Variants in MCTP1 observed in about 807,000 individuals in gnomAD.
MCTP1 encodes the protein multiple C2 and transmembrane domain-containing protein 1.
A neutral mutation model predicts 120.6 loss-of-function variants in MCTP1; 69 were observed. The observed-to-expected ratio is 0.57, with a 90% CI of 0.47 to 0.70. MCTP1 has a LOEUF of 0.70. Among genes scored for constraint, MCTP1 ranks in the 30% least tolerant of loss-of-function variants. MCTP1 has a pLI of 0.00. For synonymous variants in MCTP1, 529 were observed against 493.1 expected (o/e 1.07, Z -0.96); for missense variants, 1,203 against 1,248.8 (o/e 0.96, Z 0.55).
chr5:94,802,121 C>G (rs1471034650), intron 17 of MCTP1, among the ~76,000 whole-genome samples: 3 of 152,034 alleles, frequency 2.0e-5, no homozygotes, highest in Admixed American at 2.0e-4. Flanking sequence ...ATAGAAAAAC[C>G]ATCTCCTTTT....
chr5:95,159,491 A>G (rs1289110454), intron 1 of MCTP1, among the ~76,000 whole-genome samples: 2 of 152,208 alleles, frequency 1.3e-5, no homozygotes, highest in Non-Finnish European at 2.9e-5. Flanking sequence ...TTCAAAAATC[A>G]TTTGTGAAGT....
intron 1 of MCTP1, among the ~76,000 whole-genome samples, chr5:95,058,040 C>T (rs550323416): frequency 6.6e-6 from 1 of 152,332 alleles, no homozygotes; most frequent in Non-Finnish European, 1.5e-5. Context: ...CCTAACCAGG[C>T]TTCTCAAGAT....
chr5:95,271,716 T>C (rs1488823609), intron 1 of MCTP1, among the ~76,000 whole-genome samples: 1 of 151,906 alleles, frequency 6.6e-6, no homozygotes, highest in Non-Finnish European at 1.5e-5. Context: ...GCATTCCTTA[T>C]ATATTATAGA....
At chr5:95,245,354 G>A (rs1756638094) in intron 1 of MCTP1, among the ~76,000 whole-genome samples, 1 of 152,226 alleles carries the variant, frequency 6.6e-6, no homozygotes, top group African/African-American at 2.4e-5. Context: ...GTAGGCTTCA[G>A]AAGGTCCATA....
Position 94,861,976 on chromosome 5 carries a change from T to G in MCTP1, c.2436+6357A>C, listed in dbSNP as rs187319143. 8.6e-4 allele frequency among the ~76,000 whole-genome samples: 131 copies of G among 151,932 alleles called. 1 individual carries two copies. The highest frequency in any genetic ancestry group is 3.1e-3 in the African/African-American group (127 of 41,516). ...TGGTGTCCTCCACCACGCCAACTTTTATTGATAGCACCATTGAGGCACATG... is the reference window on the plus strand; with the variant it reads ...TGGTGTCCTCCACCACGCCAACTTTGATTGATAGCACCATTGAGGCACATG... On this transcript the variant is annotated intron_variant, in intron 17 of 22. Transcript: ENST00000515393.
At chr5:94,826,566 T>G (rs1410333764) in intron 17 of MCTP1, 1 of 734,846 alleles carries the variant, frequency 1.4e-6, no homozygotes, top group African/African-American at 1.7e-5. Flanking sequence ...CTCCTTCCCT[T>G]TCAAAGCATC....
At chr5:95,000,738 C>T (rs530661503) in intron 2 of MCTP1, among the ~76,000 whole-genome samples, 3 of 151,976 alleles carry the variant, frequency 2.0e-5, no homozygotes, top group Non-Finnish European at 4.4e-5. Flanking sequence ...TTACAATGAG[C>T]AAAGATTTAT....
intron 1 of MCTP1, among the ~76,000 whole-genome samples, chr5:95,263,443 TGGCACCCATCCA>T (rs1161914039): frequency 6.6e-6 from 1 of 152,160 alleles, no homozygotes; most frequent in Non-Finnish European, 1.5e-5. Flanking sequence ...CTAAGTCCTG[TGGCACCCATCCA>T]GGCCCAGGTT....
chr5:95,233,092 A>C (rs1755143519), intron 1 of MCTP1, among the ~76,000 whole-genome samples: 1 of 152,206 alleles, frequency 6.6e-6, no homozygotes, highest in Admixed American at 6.5e-5. Flanking sequence ...GAAGGCTTGA[A>C]CAACACAACC....
intron 1 of MCTP1, among the ~76,000 whole-genome samples, chr5:95,177,766 G>A (rs1211079700): frequency 1.3e-5 from 2 of 152,108 alleles, no homozygotes; most frequent in African/African-American, 2.4e-5. Context: ...AACCAAAATT[G>A]GAATTTTGCT....
chr5:94,807,807 T>G (rs750472317), intron 17 of MCTP1, among the ~76,000 whole-genome samples: 1 of 152,190 alleles, frequency 6.6e-6, no homozygotes, highest in Non-Finnish European at 1.5e-5. Context: ...CTGCCCCAAA[T>G]GCTAAAAGCA....
At chr5:94,755,313 C>T (rs767125167) in intron 19 of MCTP1, among the ~76,000 whole-genome samples, 1 of 152,120 alleles carries the variant, frequency 6.6e-6, no homozygotes, top group Non-Finnish European at 1.5e-5. Context: ...CTCTGGATTC[C>T]TCCTTCCCCA....
chr5:94,723,122 G>A (rs1253709147), intron 19 of MCTP1, among the ~76,000 whole-genome samples: 2 of 152,134 alleles, frequency 1.3e-5, no homozygotes, highest in South Asian at 2.1e-4. Flanking sequence ...CAGCAGTTTG[G>A]CAATTCAGAG....
chr5:94,735,562 C>A (rs1300453021), intron 19 of MCTP1, among the ~76,000 whole-genome samples: 3 of 152,128 alleles, frequency 2.0e-5, no homozygotes, highest in Non-Finnish European at 4.4e-5. Context: ...TAGGCATGAG[C>A]CACTGTGTTG....
At chr5:95,180,423 C>T (rs367939775) in intron 1 of MCTP1, among the ~76,000 whole-genome samples, 26 of 152,358 alleles carry the variant, frequency 1.7e-4, no homozygotes, top group African/African-American at 6.3e-4. Flanking sequence ...AATTAGTCCA[C>T]ACTACTTGAC....
intron 1 of MCTP1, among the ~76,000 whole-genome samples, chr5:95,247,188 T>C (rs1314982235): frequency 6.6e-6 from 1 of 152,214 alleles, no homozygotes; most frequent in Non-Finnish European, 1.5e-5. Context: ...TAGAGGTGTT[T>C]ATAGTATTCT....
chr5:94,861,341 A>G (rs1795741158), intron 17 of MCTP1, among the ~76,000 whole-genome samples: 1 of 151,860 alleles, frequency 6.6e-6, no homozygotes, highest in Non-Finnish European at 1.5e-5. Context: ...TAACGAACAC[A>G]TTCATAATTG....
chr5:95,012,422 T>C (rs189311266), intron 2 of MCTP1, among the ~76,000 whole-genome samples: 2 of 152,246 alleles, frequency 1.3e-5, no homozygotes, highest in African/African-American at 2.4e-5. Context: ...AGTATACGCA[T>C]ACCTCATTTC....
chr5:95,113,882 T>A (rs2152393221), intron 1 of MCTP1, among the ~76,000 whole-genome samples: 1 of 152,266 alleles, frequency 6.6e-6, no homozygotes, highest in South Asian at 2.1e-4. Flanking sequence ...AGAGACTTCC[T>A]CCTTCTTCTT....
Sources: gnomAD v4.1 joint callset for allele counts (sites outside exome capture counted in the v4.1 genomes callset) on GRCh38, gnomAD v4.1.1 for gene constraint, MANE v1.5 for transcripts, NCBI Gene and HGNC (gene_info 2026-07-23, HGNC 2026-07-21) for gene names.